B3GALT1: variants seen among roughly 807,000 people sequenced by gnomAD.
B3GALT1 encodes the protein beta-1,3-galactosyltransferase 1, also known as UDP-Gal:betaGlcNAc beta 1,3-galactosyltransferase, polypeptide 1.
In B3GALT1, 10 loss-of-function variants were observed where a neutral mutation model predicts 23.2. The ratio of observed to expected loss-of-function variants is 0.43; its 90% confidence interval spans 0.27 to 0.73. The LOEUF (loss-of-function observed/expected upper bound fraction) is 0.73. Among genes scored for constraint, B3GALT1 ranks in the 30% least tolerant of loss-of-function variants. The pLI, the probability that B3GALT1 is intolerant of heterozygous loss-of-function variation, is 0.21. For synonymous variants in B3GALT1, 156 were observed against 141.5 expected (o/e 1.10, Z -0.73); for missense variants, 299 against 405.4 (o/e 0.74, Z 2.25).
chr2:167,736,973 T>G (rs1687503250), intron 3 of B3GALT1, among the ~76,000 whole-genome samples: 1 of 151,120 alleles, frequency 6.6e-6, no homozygotes, highest in South Asian at 2.1e-4. Flanking sequence ...ATGAATTCAT[T>G]CTGATAAATC....
At chr2:167,840,739 C>T (rs1387254333) in intron 4 of B3GALT1, among the ~76,000 whole-genome samples, 20 of 149,644 alleles carry the variant, frequency 1.3e-4, no homozygotes, top group African/African-American at 4.5e-4. Flanking sequence ...ATGTTTATTG[C>T]GGCACTATTC....
chr2:167,615,143 G>A (rs983466033), intron 2 of B3GALT1, among the ~76,000 whole-genome samples: 9 of 151,888 alleles, frequency 5.9e-5, no homozygotes, highest in African/African-American at 2.2e-4. Context: ...TAAAAAGCAA[G>A]GTATGAATAG....
intron 2 of B3GALT1, among the ~76,000 whole-genome samples, chr2:167,575,499 C>T (rs1310573212): frequency 6.6e-6 from 1 of 151,732 alleles, no homozygotes; most frequent in Non-Finnish European, 1.5e-5. Context: ...TTTGGCACAC[C>T]AGCAGAGGCT....
intron 4 of B3GALT1, among the ~76,000 whole-genome samples, chr2:167,835,157 C>T (rs1192768763): frequency 6.6e-6 from 1 of 152,138 alleles, no homozygotes; most frequent in African/African-American, 2.4e-5. Context: ...GTTCATCTCA[C>T]TAGGGAGTGC....
At chr2:167,837,876 C>A (rs1689521603) in intron 4 of B3GALT1, among the ~76,000 whole-genome samples, 1 of 152,136 alleles carries the variant, frequency 6.6e-6, no homozygotes, top group Non-Finnish European at 1.5e-5. Context: ...AAGAAACTCA[C>A]TCAAAACCGC....
At chr2:167,853,454 C>T (rs1689942453) in intron 4 of B3GALT1, among the ~76,000 whole-genome samples, 1 of 152,080 alleles carries the variant, frequency 6.6e-6, no homozygotes, top group Admixed American at 6.6e-5. Flanking sequence ...ATTGTAGTAT[C>T]ATACAAGTGG....
chr2:167,570,409 C>T (rs1684270316), intron 2 of B3GALT1, among the ~76,000 whole-genome samples: 1 of 151,842 alleles, frequency 6.6e-6, no homozygotes. Flanking sequence ...GGGTCCATTT[C>T]ACCTAGGTCA....
chr2:167,488,208 A>G (rs1029884691), intron 1 of B3GALT1, among the ~76,000 whole-genome samples: 1 of 152,212 alleles, frequency 6.6e-6, no homozygotes, highest in Non-Finnish European at 1.5e-5. Context: ...GCAAACACCA[A>G]TATTTTCAGC....
chr2:167,490,857 A>G (rs1009872477), intron 2 of B3GALT1, among the ~76,000 whole-genome samples: 6 of 152,238 alleles, frequency 3.9e-5, no homozygotes, highest in Non-Finnish European at 8.8e-5. Context: ...ATTGGGTTCT[A>G]GATTTTCAGT....
intron 3 of B3GALT1, among the ~76,000 whole-genome samples, chr2:167,778,379 ATTC>A (rs1374290549): frequency 2.0e-5 from 3 of 151,084 alleles, no homozygotes; most frequent in Non-Finnish European, 4.4e-5. Flanking sequence ...TTTGTCTTCT[ATTC>A]TTCTATCTTT....
chr2:167,710,259 C>G (rs937108299), intron 3 of B3GALT1, among the ~76,000 whole-genome samples: 1 of 152,156 alleles, frequency 6.6e-6, no homozygotes, highest in Non-Finnish European at 1.5e-5. Context: ...TTTTTAAACC[C>G]TGAAGTATCT....
intron 2 of B3GALT1, among the ~76,000 whole-genome samples, chr2:167,615,206 A>T (rs975776510): frequency 6.6e-6 from 1 of 152,092 alleles, no homozygotes; most frequent in Admixed American, 6.6e-5. Flanking sequence ...TCCTTTAAAA[A>T]GAAAGGAAAT....
chr2:167,504,009 C>T (rs1304676474), intron 2 of B3GALT1, among the ~76,000 whole-genome samples: 1 of 152,108 alleles, frequency 6.6e-6, no homozygotes, highest in African/African-American at 2.4e-5. Flanking sequence ...GTAAAGGAGA[C>T]AGAAACTTAA....
chr2:167,330,935 T>C (rs1443591191), intron 1 of B3GALT1, among the ~76,000 whole-genome samples: 1 of 152,182 alleles, frequency 6.6e-6, no homozygotes, highest in East Asian at 1.9e-4. Flanking sequence ...TATGTTCATA[T>C]CTGCACATCT....
chr2:167,475,396 G>A (rs1699472925), intron 1 of B3GALT1, among the ~76,000 whole-genome samples: 1 of 151,984 alleles, frequency 6.6e-6, no homozygotes, highest in Non-Finnish European at 1.5e-5. Context: ...TAGTGATGCT[G>A]GCACTTCAGA....
At chr2:167,801,468 T>C (rs1290626519) in intron 3 of B3GALT1, among the ~76,000 whole-genome samples, 1 of 152,218 alleles carries the variant, frequency 6.6e-6, no homozygotes, top group Admixed American at 6.5e-5. Context: ...CAAAGACCGG[T>C]CTCATTCAAC....
intron 4 of B3GALT1, among the ~76,000 whole-genome samples, chr2:167,821,119 A>G (rs1689096993): frequency 6.6e-6 from 1 of 152,210 alleles, no homozygotes; most frequent in Non-Finnish European, 1.5e-5. Flanking sequence ...TGTATAGGCC[A>G]TTCATAGCTG....
chr2:167,525,419 A>C (rs914841552), intron 2 of B3GALT1, among the ~76,000 whole-genome samples: 7 of 152,016 alleles, frequency 4.6e-5, no homozygotes, highest in African/African-American at 1.2e-4. Flanking sequence ...TAATAAACTT[A>C]TTTTGTAATA....
intron 3 of B3GALT1, among the ~76,000 whole-genome samples, chr2:167,700,110 C>T (rs796825957): frequency 2.4e-4 from 36 of 152,166 alleles, no homozygotes; most frequent in African/African-American, 7.7e-4. Flanking sequence ...ATTATCCAGG[C>T]GCAATGGTAC....
Sources: gnomAD v4.1 joint callset for allele counts (sites outside exome capture counted in the v4.1 genomes callset) on GRCh38, gnomAD v4.1.1 for gene constraint, MANE v1.5 for transcripts, NCBI Gene and HGNC (gene_info 2026-07-23, HGNC 2026-07-21) for gene names.